Variants in ATF3 observed in about 807,000 individuals in gnomAD.
The protein encoded by ATF3 is cyclic AMP-dependent transcription factor ATF-3.
In ATF3, 10 loss-of-function variants were observed where a neutral mutation model predicts 18.4. The ratio of observed to expected loss-of-function variants is 0.54; its 90% confidence interval spans 0.34 to 0.92. ATF3 has a LOEUF of 0.92. ATF3 is among the 40% of genes least tolerant of loss of function. The pLI is 0.02. For synonymous variants in ATF3, 78 were observed against 87.9 expected (o/e 0.89, Z 0.63); for missense variants, 183 against 222.3 (o/e 0.82, Z 1.12).
chr1:212,566,771 C>T (rs767508720), intron 1 of ATF3, among the ~76,000 whole-genome samples: 1 of 152,160 alleles, frequency 6.6e-6, no homozygotes, highest in Non-Finnish European at 1.5e-5. Flanking sequence ...GAAGCCCATC[C>T]AGGGTCTGGG....
Position 212,619,174 on chromosome 1 carries a change from C to T in ATF3, c.349-184C>T. On this transcript the variant is annotated intron_variant, in intron 3 of 3. Coordinates refer to ENST00000341491, the MANE Select transcript of ATF3 (RefSeq NM_001674.4). The surrounding 1 kb of genome is among the most constrained non-coding windows in gnomAD (Gnocchi z 4.4). ...CCTCTGTGGCATCACCAGGGTTTCT[C>T]TGAAGAAGAGGGTCTGCATTTTCCT... is the stretch of plus-strand genomic sequence containing the variant. The T allele has an allele frequency of 1.9e-6, 3 of 1,613,258 alleles. No homozygotes were observed. The highest frequency in any genetic ancestry group is 2.5e-6 in the Non-Finnish European group (3 of 1,179,932).
intron 1 of ATF3, among the ~76,000 whole-genome samples, chr1:212,573,703 C>T (rs1664523209): frequency 6.6e-6 from 1 of 151,816 alleles, no homozygotes; most frequent in African/African-American, 2.4e-5. Flanking sequence ...TAGGCCTAGA[C>T]ACATTTTTTT....
chr1:212,597,567 A>G (rs1654337711), intron 1 of ATF3, among the ~76,000 whole-genome samples: 1 of 152,070 alleles, frequency 6.6e-6, no homozygotes. Flanking sequence ...CTTTATGTTC[A>G]ATGTTCCAGG....
At chr1:212,599,546 C>T (rs1337971441) in intron 1 of ATF3, among the ~76,000 whole-genome samples, 1 of 152,158 alleles carries the variant, frequency 6.6e-6, no homozygotes, top group Non-Finnish European at 1.5e-5. Context: ...CCCAACCTGG[C>T]TCTTCTTCCT....
intron 1 of ATF3, among the ~76,000 whole-genome samples, chr1:212,576,723 T>C (rs1308389762): frequency 1.2e-5 from 1 of 81,662 alleles, no homozygotes; most frequent in African/African-American, 5.9e-5. Context: ...TTTCTTTTCT[T>C]TTTTTTTTTT....
chr1:212,576,716 C>CTTTTTTTTTTTTTTTTTTTTTTTT (rs761124416), intron 1 of ATF3, among the ~76,000 whole-genome samples: 2 of 78,246 alleles, frequency 2.6e-5, no homozygotes, highest in African/African-American at 1.0e-4. Context: ...CTTTTCTTTT[C>CTTTTTTTTTTTTTTTTTTTTTTTT]TTTTCTTTTT....
chr1:212,614,895 C>T, intron 1 of ATF3, 123 bp from the exon 2 acceptor site: 1 of 1,567,982 alleles, frequency 6.4e-7, no homozygotes, highest in Non-Finnish European at 8.7e-7. Flanking sequence ...AACAGAAACC[C>T]AAGGGCTTAT....
In ATF3 at chr1:212,585,976, T is replaced by C. The variant is rs1165733544; in HGVS notation, c.-5+20493T>C. On this transcript the variant is annotated intron_variant, in intron 1 of 3. Transcript: ENST00000366981. ...TTCCTCCCAAATGACCCAGGATATG[T>C]TGTGGTCTCCAGTGGCCTTGGCATT... is the stretch of plus-strand genomic sequence containing the variant. 2.6e-5 allele frequency among the ~76,000 whole-genome samples: 4 copies of C among 152,192 alleles called. 1 individual carries two copies. The highest frequency in any genetic ancestry group is 2.6e-4 in the Admixed American group (4 of 15,282).
intron 1 of ATF3, among the ~76,000 whole-genome samples, chr1:212,581,132 T>G (rs1036618021): frequency 6.6e-6 from 1 of 152,142 alleles, no homozygotes; most frequent in Admixed American, 6.5e-5. Flanking sequence ...AGACAAAACT[T>G]TTGACTTGGA....
At chr1:212,609,068 T>G (rs1258432528) in intron 1 of ATF3, 138 bp downstream of exon 1, 1 of 152,296 alleles carries the variant, frequency 6.6e-6, no homozygotes, top group Admixed American at 6.5e-5. Context: ...TGGAAATAAC[T>G]CTGGCTTAAA....
intron 1 of ATF3, among the ~76,000 whole-genome samples, chr1:212,590,937 G>A (rs1664872406): frequency 6.6e-6 from 1 of 152,192 alleles, no homozygotes; most frequent in Non-Finnish European, 1.5e-5. Flanking sequence ...TTTATCATGT[G>A]CCTGGTTTCT....
chr1:212,582,885 A>T (rs1457792232), intron 1 of ATF3, among the ~76,000 whole-genome samples: 2 of 152,140 alleles, frequency 1.3e-5, no homozygotes, highest in Non-Finnish European at 2.9e-5. Context: ...CACACCGAGA[A>T]ACAGAGGCTC....
At chr1:212,565,732 T>C (rs1664370854) in intron 1 of ATF3, among the ~76,000 whole-genome samples, 2 of 152,088 alleles carry the variant, frequency 1.3e-5, no homozygotes, top group South Asian at 4.1e-4. Context: ...GATTAAGTTT[T>C]TTACTGACCC....
chr1:212,579,006 C>CTTTTT (rs10565752), intron 1 of ATF3, among the ~76,000 whole-genome samples: 1 of 84,544 alleles, frequency 1.2e-5, no homozygotes, highest in Non-Finnish European at 2.3e-5. Context: ...TCTCTGGAGA[C>CTTTTT]TTTTTTTTTT....
chr1:212,596,664 C>T lies in ATF3; in HGVS notation c.-4-18354C>T, dbSNP rs192468554. 2.4e-3 allele frequency among the ~76,000 whole-genome samples: 371 copies of T among 152,294 alleles called. 3 individuals carry two copies. The highest frequency in any genetic ancestry group is 8.4e-3 in the African/African-American group (348 of 41,562). The stretch of plus-strand genomic sequence containing the variant: ...TATGCCAGAAAGAAAGGACAATGTC[C>T]CCTCTCACCCACTGGCTCCCCTTTC... On this transcript the variant is annotated intron_variant, in intron 1 of 3. Transcript: ENST00000366981.
intron 1 of ATF3, among the ~76,000 whole-genome samples, chr1:212,587,951 C>T (rs533682074): frequency 3.0e-5 from 1 of 32,812 alleles, no homozygotes; most frequent in Non-Finnish European, 6.0e-5. Flanking sequence ...GCTGGGGCGG[C>T]GGGGGTGGGG....
Position 212,571,398 on chromosome 1 carries a change from T to G in ATF3, c.-5+5915T>G, listed in dbSNP as rs559460361. ...CAGAACAATGCATTAAATAATACTT[T>G]TATTATTATTACTATTATTATTTTT... On this transcript the variant is annotated intron_variant, in intron 1 of 3. Transcript: ENST00000366981. Among the ~76,000 whole-genome samples the G allele has an allele frequency of 7.6e-4, 115 of 152,178 alleles. 1 individual carries two copies. The highest frequency in any genetic ancestry group is 2.6e-3 in the African/African-American group (106 of 41,512).
In ATF3 at chr1:212,578,727, G is replaced by A. The variant is rs148723126; in HGVS notation, c.-5+13244G>A. ...GTTTGCAGGCTCATTTCAGGGGAAA[G>A]TGATGTTTGTTTTGTTTGGTTTTCT... On this transcript the variant is annotated intron_variant, in intron 1 of 3. Transcript: ENST00000366981. 5.2e-3 allele frequency among the ~76,000 whole-genome samples: 790 copies of A among 152,304 alleles called. 7 individuals carry two copies. The highest frequency in any genetic ancestry group is 0.018 in the African/African-American group (751 of 41,548).
intron 1 of ATF3, among the ~76,000 whole-genome samples, chr1:212,594,686 T>C (rs914439054): frequency 3.3e-5 from 5 of 152,204 alleles, no homozygotes; most frequent in Non-Finnish European, 5.9e-5. Context: ...CTGCCCAGAC[T>C]CTTTATTTCA....
Sources: gnomAD v4.1 joint callset for allele counts (sites outside exome capture counted in the v4.1 genomes callset) on GRCh38, gnomAD v4.1.1 for gene constraint, Gnocchi (gnomAD v3.1) non-coding constraint, MANE v1.5 for transcripts, NCBI Gene and HGNC (gene_info 2026-07-23, HGNC 2026-07-21) for gene names.